Variants in CNOT2 observed in about 807,000 individuals in gnomAD.
CNOT2 encodes the protein CCR4-NOT transcription complex subunit 2.
Under a neutral mutation model 72.1 loss-of-function variants are expected in CNOT2, and 7 were observed. The ratio of observed to expected loss-of-function variants is 0.10; its 90% confidence interval spans 0.06 to 0.18. The LOEUF is 0.18. Ranked by LOEUF, CNOT2 falls within the 10% of genes least tolerant of loss-of-function variation. The pLI is 1.00. For synonymous variants in CNOT2, 196 were observed against 225.6 expected, an observed-to-expected ratio of 0.87 and a Z score of 1.17; for missense variants, 345 against 660.3, an observed-to-expected ratio of 0.52 and a Z score of 5.23.
intron 2 of CNOT2, among the ~76,000 whole-genome samples, chr12:70,280,004 A>T (rs1000450362): frequency 6.6e-6 from 1 of 152,126 alleles, no homozygotes; most frequent in African/African-American, 2.4e-5. Context: ...TTGATACATA[A>T]TTGTACGTAT....
intron 1 of CNOT2, among the ~76,000 whole-genome samples, chr12:70,245,215 T>C (rs1392915293): frequency 2.0e-5 from 3 of 152,202 alleles, no homozygotes; most frequent in Non-Finnish European, 4.4e-5. Flanking sequence ...TTTGTTTAGT[T>C]TGTAGTTCTA....
chr12:70,283,644 GT>G (rs1319777552), intron 2 of CNOT2, among the ~76,000 whole-genome samples: 3 of 102,168 alleles, frequency 2.9e-5, no homozygotes. Flanking sequence ...GAAAGAATGA[GT>G]TTAAAAAAAA....
rs1882038714 is a variant in CNOT2, at chr12:70,345,404, C to T, written c.1392-776C>T. 4 of 152,038 alleles carry T rather than the reference C, an allele frequency of 2.6e-5. No individual in the cohort carries two copies. In the South Asian group the frequency reaches 8.3e-4, roughly 32 times the overall value. 9.4% of individuals were successfully genotyped at this position (152,038 alleles called of 1,614,324 possible). On this transcript the variant is annotated intron_variant, in intron 14 of 15. Transcript: ENST00000229195. ...TTACCTGTTGTTCCTTTTAATTGTT[C>T]ATAAGTAAATAAATACATTCAGGCA...
At chr12:70,270,919 TA>T (rs1959200025) in intron 1 of CNOT2, among the ~76,000 whole-genome samples, 2 of 152,216 alleles carry the variant, frequency 1.3e-5, no homozygotes, top group African/African-American at 2.4e-5. Context: ...CGGAAGGACT[TA>T]TATAAAGTTC....
chr12:70,260,281 T>G (rs1335929147), intron 1 of CNOT2, among the ~76,000 whole-genome samples: 1 of 152,112 alleles, frequency 6.6e-6, no homozygotes, highest in Non-Finnish European at 1.5e-5. Flanking sequence ...TTTTAATCAA[T>G]TGAGTACCAA....
chr12:70,279,007 T>C (rs11178167), intron 2 of CNOT2, among the ~76,000 whole-genome samples: 2,060 of 152,364 alleles, frequency 0.014, 46 homozygotes, highest in African/African-American at 0.046. Context: ...TGATCTGTTA[T>C]CACATTTATT....
chr12:70,339,202 T>G (rs1191861535), intron 11 of CNOT2, among the ~76,000 whole-genome samples: 1 of 151,968 alleles, frequency 6.6e-6, no homozygotes, highest in Non-Finnish European at 1.5e-5. Context: ...CCTTTAGTTA[T>G]CCCTTTGACC....
At chr12:70,299,317 C>T (rs970675512) in intron 2 of CNOT2, among the ~76,000 whole-genome samples, 1 of 151,914 alleles carries the variant, frequency 6.6e-6, no homozygotes, top group South Asian at 2.1e-4. Flanking sequence ...TGGTGTGCTG[C>T]ACCCATTAAC....
At chr12:70,333,679 C>T (rs1880272545) in intron 7 of CNOT2, among the ~76,000 whole-genome samples, 2 of 151,848 alleles carry the variant, frequency 1.3e-5, no homozygotes, top group South Asian at 4.1e-4. Context: ...TAGCTATGAG[C>T]TTTTAATTTC....
chr12:70,321,693 A>C (rs2135993121), intron 4 of CNOT2: 1 of 151,934 alleles, frequency 6.6e-6, no homozygotes, highest in South Asian at 2.1e-4. Flanking sequence ...TGTGAGATCT[A>C]CTATCTATTG....
intron 1 of CNOT2, among the ~76,000 whole-genome samples, chr12:70,247,659 A>G (rs902547896): frequency 6.6e-6 from 1 of 152,186 alleles, no homozygotes; most frequent in Non-Finnish European, 1.5e-5. Context: ...CTATTATAGA[A>G]TGTCACACTG....
At chr12:70,285,924 T>C (rs886486800) in intron 2 of CNOT2, among the ~76,000 whole-genome samples, 1 of 151,882 alleles carries the variant, frequency 6.6e-6, no homozygotes, top group African/African-American at 2.4e-5. Flanking sequence ...AAGGCTAAAG[T>C]GATTGGAGCA....
chr12:70,287,718 T>C (rs1435437100), intron 2 of CNOT2, among the ~76,000 whole-genome samples: 4 of 150,198 alleles, frequency 2.7e-5, no homozygotes, highest in African/African-American at 9.7e-5. Context: ...ATTTTATAAA[T>C]TTTTGTGTTT....
intron 15 of CNOT2, among the ~76,000 whole-genome samples, chr12:70,348,814 G>A (rs1593295350): frequency 1.3e-5 from 2 of 151,718 alleles, no homozygotes; most frequent in South Asian, 2.1e-4. Context: ...TCATTTTAAA[G>A]AAAATTGTAT....
rs941143738 is a variant in CNOT2, at chr12:70,273,428, G to C, written c.-95-4704G>C. Among the ~76,000 whole-genome samples, 12 of 151,570 alleles carry C rather than the reference G, an allele frequency of 7.9e-5. 1 individual carries two copies. The highest frequency in any genetic ancestry group is 3.2e-3 in the Middle Eastern group (1 of 316). On this transcript the variant is annotated intron_variant, in intron 1 of 15. Coordinates refer to ENST00000229195, the MANE Select transcript of CNOT2 (RefSeq NM_014515.7). ...ACTCTCTTTGGTTTTCATCTCCCTC[G>C]CTGGCTGCTCCTTCTCTAAACCATG... is the stretch of plus-strand genomic sequence containing the variant.
intron 14 of CNOT2, chr12:70,345,637 G>A (rs953264153): frequency 2.6e-5 from 4 of 152,108 alleles, no homozygotes; most frequent in Non-Finnish European, 5.9e-5. Flanking sequence ...CTTAGCTTTT[G>A]AGAATTTAGA....
chr12:70,351,088 T>A (rs1249387861), intron 15 of CNOT2, among the ~76,000 whole-genome samples: 4 of 152,202 alleles, frequency 2.6e-5, no homozygotes, highest in Non-Finnish European at 5.9e-5. Context: ...TTTCTAGCCT[T>A]TGCAATCATA....
At chr12:70,297,886 A>C (rs1873101475) in intron 2 of CNOT2, 1 of 206,576 alleles carries the variant, frequency 4.8e-6, no homozygotes, top group Non-Finnish European at 1.0e-5. Flanking sequence ...ACAGGTGCGT[A>C]CCACCACGCC....
chr12:70,293,438 C>T (rs1872282714), intron 2 of CNOT2, among the ~76,000 whole-genome samples: 1 of 152,198 alleles, frequency 6.6e-6, no homozygotes, highest in African/African-American at 2.4e-5. Flanking sequence ...GGATTACAGG[C>T]ATGAGCCACT....
Sources: gnomAD v4.1 joint callset for allele counts (sites outside exome capture counted in the v4.1 genomes callset) on GRCh38, gnomAD v4.1.1 for gene constraint, MANE v1.5 for transcripts, NCBI Gene and HGNC (gene_info 2026-07-23, HGNC 2026-07-21) for gene names.